The following LRRN3 variants were observed in gnomAD, a reference collection of about 807,000 sequenced individuals.
LRRN3 encodes the protein leucine rich repeat neuronal 3, also known as leucine-rich repeat neuronal protein 3.
A neutral mutation model predicts 40.1 loss-of-function variants in LRRN3; 15 were observed. The ratio of observed to expected loss-of-function variants is 0.37; its 90% confidence interval spans 0.25 to 0.58. The LOEUF (loss-of-function observed/expected upper bound fraction) is 0.58, where lower values mean the gene tolerates loss of function less well. Ranked by LOEUF, LRRN3 falls within the 20% of genes least tolerant of loss-of-function variation. The pLI, the probability that LRRN3 is intolerant of heterozygous loss-of-function variation, is 0.72. For missense variants in LRRN3, 746 were observed against 837.7 expected, an observed-to-expected ratio of 0.89 and a Z score of 1.35; for synonymous variants, 308 against 297.2, an observed-to-expected ratio of 1.04 and a Z score of -0.37.
intron 2 of LRRN3, among the ~76,000 whole-genome samples, chr7:111,108,759 A>G (rs906432567): frequency 6.6e-6 from 1 of 152,192 alleles, no homozygotes; most frequent in Non-Finnish European, 1.5e-5. Flanking sequence ...CATACAAACC[A>G]CATGAGTCAA....
intron 2 of LRRN3, 45 bp from the exon 3 acceptor site, chr7:111,122,370 T>A: frequency 6.3e-6 from 1 of 157,682 alleles, no homozygotes; most frequent in East Asian, 1.9e-4. Context: ...TTTGTACTAA[T>A]TATTGTTCTC....
chr7:111,102,623 T>C (rs957593137), intron 2 of LRRN3, among the ~76,000 whole-genome samples: 2 of 151,580 alleles, frequency 1.3e-5, no homozygotes, highest in Non-Finnish European at 3.0e-5. Flanking sequence ...AATTACTAAA[T>C]GGAAGCCCAC....
At chr7:111,095,455 G>A (rs1260252149) in intron 1 of LRRN3, among the ~76,000 whole-genome samples, 1 of 151,726 alleles carries the variant, frequency 6.6e-6, no homozygotes, top group Non-Finnish European at 1.5e-5. Flanking sequence ...GTACAAAAAA[G>A]AGAAATATTT....
chr7:111,112,435 G>C (rs1028496100), intron 2 of LRRN3, among the ~76,000 whole-genome samples: 1 of 152,078 alleles, frequency 6.6e-6, no homozygotes, highest in African/African-American at 2.4e-5. Flanking sequence ...CGAGTGTTAG[G>C]GAAAGAGCTC....
At chr7:111,095,843 T>G (rs1265956137) in intron 1 of LRRN3, among the ~76,000 whole-genome samples, 1 of 151,926 alleles carries the variant, frequency 6.6e-6, no homozygotes, top group Non-Finnish European at 1.5e-5. Context: ...CTTATACATC[T>G]CACTGGAAAA....
At chr7:111,099,768 T>TA (rs1325379413) in intron 1 of LRRN3, 113 bp from the exon 2 acceptor site, 4 of 151,724 alleles carry the variant, frequency 2.6e-5, no homozygotes, top group African/African-American at 9.7e-5. Flanking sequence ...GATAAAAGGT[T>TA]AAAGTATTGT....
At chr7:111,095,445 G>A (rs148708055) in intron 1 of LRRN3, among the ~76,000 whole-genome samples, 2 of 151,672 alleles carry the variant, frequency 1.3e-5, no homozygotes, top group African/African-American at 4.8e-5. Context: ...TCACAGATAT[G>A]TACAAAAAAG....
chr7:111,106,868 G>A (rs1798607024), intron 2 of LRRN3, among the ~76,000 whole-genome samples: 2 of 151,536 alleles, frequency 1.3e-5, no homozygotes, highest in Admixed American at 6.6e-5. Context: ...GGAGAAATGT[G>A]TGCTTTGTTT....
rs775557487 is a variant in LRRN3, at chr7:111,124,930, AAC to A, written c.*33_*34del. 8 of 1,409,250 alleles carry A rather than the reference AAC, an allele frequency of 5.7e-6. No homozygotes were observed. The highest frequency in any genetic ancestry group is 1.5e-5 in the South Asian group (1 of 67,590). The allele number at this position is 1,409,250 out of a possible 1,614,324, so 87.3% of individuals were successfully genotyped here. A position where few individuals can be genotyped will look rare whatever the true frequency, so the allele number is the denominator to read the frequency against. ...ACCAAGGAAACCTACTCCAAAAATGAACAAAAAAAAAAAAAGCGAAAGACTGC... is the reference window on the plus strand; with the variant it reads ...ACCAAGGAAACCTACTCCAAAAATGAAAAAAAAAAAAAAGCGAAAGACTGC... On this transcript the variant is annotated 3_prime_UTR_variant, in exon 3 of 3. Coordinates refer to ENST00000308478, the MANE Select transcript of LRRN3 (RefSeq NM_001099658.2).
chr7:111,106,133 T>C (rs2129581440), intron 2 of LRRN3, among the ~76,000 whole-genome samples: 1 of 152,078 alleles, frequency 6.6e-6, no homozygotes, highest in East Asian at 1.9e-4. Context: ...TTGGTGCACA[T>C]TGGAGCAGAC....
rs779975083 is a variant in LRRN3 at position 111,124,174 on chromosome 7, A to T, written c.1402A>T (p.Thr468Ser). ...TPSGQKLLPN[T>S]LTDKFYVHSE... Reference sequence around the variant, plus strand: ...TTCTGGTCAAAAACTCTTGCCTAATACCCTGACAGACAAGTTCTATGTCCA... The same window carrying T: ...TTCTGGTCAAAAACTCTTGCCTAATTCCCTGACAGACAAGTTCTATGTCCA... Residue 468 changes from threonine (T) to serine (S), a missense_variant, in exon 3 of 3, where the codon ACC becomes TCC. By Grantham distance (58) the Thr-to-Ser change is moderately conservative. Coordinates refer to ENST00000308478, the MANE Select transcript of LRRN3 (RefSeq NM_001099658.2). 1 of 1,613,902 alleles carries T rather than the reference A, an allele frequency of 6.2e-7. No individual in the cohort carries two copies. Among genetic ancestry groups the T allele is most frequent in the Non-Finnish European group, 8.5e-7 (1 of 1,179,962 alleles).
intron 2 of LRRN3, among the ~76,000 whole-genome samples, chr7:111,122,128 C>T (rs1444204144): frequency 6.6e-6 from 1 of 151,446 alleles, no homozygotes; most frequent in Non-Finnish European, 1.5e-5. Flanking sequence ...TGTTAAATGA[C>T]GAGTTAATGG....
intron 2 of LRRN3, among the ~76,000 whole-genome samples, chr7:111,112,117 T>G (rs954887597): frequency 6.6e-5 from 10 of 151,538 alleles, no homozygotes; most frequent in Admixed American, 3.9e-4. Flanking sequence ...CCGGCTAATT[T>G]TTGTATTTTT....
chr7:111,105,621 T>C (rs764972449), intron 2 of LRRN3, among the ~76,000 whole-genome samples: 2 of 151,906 alleles, frequency 1.3e-5, no homozygotes, highest in Non-Finnish European at 2.9e-5. Context: ...AAATACAACA[T>C]GTATTTTTGT....
chr7:111,115,968 C>T (rs1351155580), intron 2 of LRRN3, among the ~76,000 whole-genome samples: 1 of 152,198 alleles, frequency 6.6e-6, no homozygotes, highest in Non-Finnish European at 1.5e-5. Context: ...TGAGCCACCA[C>T]ATCCGGCCGG....
chr7:111,108,757 C>T (rs977640617), intron 2 of LRRN3, among the ~76,000 whole-genome samples: 3 of 152,184 alleles, frequency 2.0e-5, no homozygotes, highest in Admixed American at 6.5e-5. Flanking sequence ...TGCATACAAA[C>T]CACATGAGTC....
intron 2 of LRRN3, among the ~76,000 whole-genome samples, chr7:111,105,394 A>G (rs1279266775): frequency 6.6e-6 from 1 of 151,936 alleles, no homozygotes; most frequent in Non-Finnish European, 1.5e-5. Flanking sequence ...CATGTTGAAA[A>G]GAGCAGATAG....
At chr7:111,111,665 C>T (rs1682359537) in intron 2 of LRRN3, among the ~76,000 whole-genome samples, 1 of 151,938 alleles carries the variant, frequency 6.6e-6, no homozygotes, top group African/African-American at 2.4e-5. Context: ...ATGTCCCCCC[C>T]TGCGTCAATA....
chr7:111,124,065 T>C lies in LRRN3; in HGVS notation c.1293T>C (p.Asn431=). Residue 431 remains asparagine (N), a synonymous_variant, in exon 3 of 3, where the codon AAT becomes AAC. Transcript: ENST00000308478. Reference sequence around the variant, plus strand: ...TAGCTCCTGAGAGCTTTCCTTCTAATCTAAATGTAGAAGCTGGGAGCTATG... The same window carrying C: ...TAGCTCCTGAGAGCTTTCCTTCTAACCTAAATGTAGAAGCTGGGAGCTATG... ...PLIAPESFPS[N]LNVEAGSYVS... 6.2e-7 allele frequency: 1 copy of C among 1,614,000 alleles called. No individual in the cohort carries two copies. Among genetic ancestry groups the C allele is most frequent in the Non-Finnish European group, 8.5e-7 (1 of 1,179,932 alleles).
Sources: gnomAD v4.1 joint callset for allele counts (sites outside exome capture counted in the v4.1 genomes callset) on GRCh38, gnomAD v4.1.1 for gene constraint, MANE v1.5 for transcripts, NCBI Gene and HGNC (gene_info 2026-07-23, HGNC 2026-07-21) for gene names.